OR52E5: variants seen among roughly 807,000 people sequenced by gnomAD.
The protein encoded by OR52E5 is olfactory receptor 52E5.
chr11:5,894,751 T>G (rs910000925), intron 1 of OR52E5, among the ~76,000 whole-genome samples: 8 of 152,200 alleles, frequency 5.3e-5, no homozygotes, highest in African/African-American at 1.4e-4. Context: ...TTCTTATGGC[T>G]CAGGGGTCGG....
intron 2 of OR52E5, among the ~76,000 whole-genome samples, chr11:5,896,495 C>G (rs1300069460): frequency 1.3e-5 from 2 of 150,512 alleles, no homozygotes; most frequent in Non-Finnish European, 3.0e-5. Context: ...ATCTTTGTAA[C>G]TGTAAGGATG....
chr11:5,899,623 T>A (rs981845802), intron 2 of OR52E5, among the ~76,000 whole-genome samples: 15 of 152,164 alleles, frequency 9.9e-5, no homozygotes, highest in African/African-American at 3.6e-4. Context: ...ACTGCCCGAA[T>A]CTGACTAACC....
chr11:5,896,337 C>T (rs1272537122), intron 2 of OR52E5, among the ~76,000 whole-genome samples: 2 of 142,490 alleles, frequency 1.4e-5, no homozygotes, highest in African/African-American at 2.6e-5. Context: ...AGGAGAATGG[C>T]GTGAACCCGA....
In OR52E5 at chr11:5,901,648, A is replaced by G. The variant is rs994896441; in HGVS notation, c.872A>G (p.Tyr291Cys). The change falls in exon 3 of 3, where the codon TAT becomes TGT. Residue 291 changes from tyrosine to cysteine, a missense_variant. Transcript: ENST00000610445. ...VFPPALNSVI[Y>C]GVKTKQIREQ... ...CCCCCTGCTCTTAACTCTGTTATCT[A>G]TGGGGTCAAAACAAAACAGATACGA... is the stretch of plus-strand genomic sequence containing the variant. 18 of 401,258 alleles carry G rather than the reference A, an allele frequency of 4.5e-5. No homozygotes were observed. The East Asian group carries it at 6.1e-4, about 13-fold the overall frequency. 24.9% of individuals were successfully genotyped at this position (401,258 alleles called of 1,614,324 possible).
chr11:5,901,147 G>A lies in OR52E5; in HGVS notation c.371G>A (p.Arg124His), dbSNP rs550260945. 109 of 401,348 alleles carry A rather than the reference G, an allele frequency of 2.7e-4. 1 individual carries two copies. In the South Asian group the frequency reaches 0.012, roughly 45 times the overall value. The allele number at this position is 401,348 out of a possible 1,614,324, so 24.9% of individuals were successfully genotyped here. Reference protein sequence around the residue: ...SVVLTVTGIDRYIAICNPLRY... With the variant: ...SVVLTVTGIDHYIAICNPLRY... ...GTACTGACAGTCACGGGCATAGATC[G>A]CTATATTGCCATCTGCAACCCCCTG... The change falls in exon 3 of 3, where the codon CGC (arginine) becomes CAC (histidine). Residue 124 changes from arginine (R) to histidine (H), a missense_variant. By Grantham distance (29) the Arg-to-His change is conservative. Coordinates refer to ENST00000610445, the MANE Select transcript of OR52E5 (RefSeq NM_001005166.5).
intron 1 of OR52E5, among the ~76,000 whole-genome samples, chr11:5,895,275 A>C (rs1260190352): frequency 6.6e-6 from 1 of 152,230 alleles, no homozygotes; most frequent in Non-Finnish European, 1.5e-5. Context: ...CACTGTCTTA[A>C]GGTGAAAAAT....
chr11:5,896,601 A>T (rs1564996432), intron 2 of OR52E5, among the ~76,000 whole-genome samples: 1 of 152,120 alleles, frequency 6.6e-6, no homozygotes, highest in Non-Finnish European at 1.5e-5. Context: ...GTCTGGAGAA[A>T]TATTTCTCCT....
chr11:5,898,429 C>A (rs1847204892), intron 2 of OR52E5, among the ~76,000 whole-genome samples: 1 of 152,100 alleles, frequency 6.6e-6, no homozygotes, highest in Non-Finnish European at 1.5e-5. Flanking sequence ...TGCACAGAAT[C>A]TTTTTAGTGT....
chr11:5,897,799 A>G (rs1444123356), intron 2 of OR52E5, among the ~76,000 whole-genome samples: 3 of 152,024 alleles, frequency 2.0e-5, no homozygotes, highest in Admixed American at 2.0e-4. Context: ...TTCACTTTTT[A>G]ATAATAACCA....
Position 5,902,577 on chromosome 11 carries a change from C to CTTAA in OR52E5, c.*818_*821dup, listed in dbSNP as rs1847270898. 6.6e-6 allele frequency: 1 copy of CTTAA among 152,206 alleles called. No homozygotes were observed. The highest frequency in any genetic ancestry group is 1.5e-5 in the Non-Finnish European group (1 of 68,052). The allele number at this position is 152,206 out of a possible 1,614,324, so 9.4% of individuals were successfully genotyped here. ...AGAGTTAACAGGTTTCTGTCTTGGGCTTAAGGACTCAGGGAAATCCCATCC... is the reference window on the plus strand; with the variant it reads ...AGAGTTAACAGGTTTCTGTCTTGGGCTTAATTAAGGACTCAGGGAAATCCCATCC... On this transcript the variant is annotated 3_prime_UTR_variant, in exon 3 of 3. Coordinates refer to ENST00000610445, the MANE Select transcript of OR52E5 (RefSeq NM_001005166.5).
intron 1 of OR52E5, among the ~76,000 whole-genome samples, chr11:5,894,730 C>T (rs1383210179): frequency 6.6e-6 from 1 of 152,138 alleles, no homozygotes; most frequent in Non-Finnish European, 1.5e-5. Flanking sequence ...TGGAGCACTA[C>T]TGAAATTTTA....
At chr11:5,896,685 C>A (rs530113390) in intron 2 of OR52E5, among the ~76,000 whole-genome samples, 1 of 152,130 alleles carries the variant, frequency 6.6e-6, no homozygotes, top group East Asian at 1.9e-4. Context: ...AATCACACCA[C>A]ATGTCTATAA....
intron 1 of OR52E5, 69 bp downstream of exon 1, chr11:5,893,339 G>C (rs950256600): frequency 2.0e-5 from 3 of 152,174 alleles, no homozygotes; most frequent in Non-Finnish European, 4.4e-5. Context: ...TGATTTGTGG[G>C]ATGATGGAGC....
intron 2 of OR52E5, among the ~76,000 whole-genome samples, chr11:5,900,122 A>AAACATAAT (rs1312273397): frequency 3.4e-4 from 52 of 152,230 alleles, no homozygotes; most frequent in African/African-American, 1.3e-3. Flanking sequence ...TCAGGAAAGA[A>AAACATAAT]AACATAATAT....
At position 5,902,683 on chromosome 11, in the gene OR52E5, A is replaced by C. The variant is rs1847272587; in HGVS notation, c.*923A>C. ...AAATAATATAAAGTCATTCTTAATAAGGTATAGAAGATAAATAGGACAATT... is the reference window on the plus strand; with the variant it reads ...AAATAATATAAAGTCATTCTTAATACGGTATAGAAGATAAATAGGACAATT... On this transcript the variant is annotated 3_prime_UTR_variant, in exon 3 of 3. Coordinates refer to ENST00000610445, the MANE Select transcript of OR52E5 (RefSeq NM_001005166.5). 1 of 152,206 alleles carries C rather than the reference A, an allele frequency of 6.6e-6. No individual in the cohort carries two copies. The highest frequency in any genetic ancestry group is 1.5e-5 in the Non-Finnish European group (1 of 68,046). The allele number at this position is 152,206 out of a possible 1,614,324, so 9.4% of individuals were successfully genotyped here.
rs942271076 is a variant in OR52E5, at chr11:5,900,917, C to T, written c.141C>T (p.Ile47=). Residue 47 remains isoleucine (I), a synonymous_variant, in exon 3 of 3, where the codon ATC becomes ATT. Transcript: ENST00000610445. ...CAGCCCTTCTAGGGAACATCATTAT[C>T]CTGTTTGTGATACAGACTGAACAGA... The part of the protein sequence containing the change: ...YLTALLGNII[I]LFVIQTEQSL... The T allele has an allele frequency of 4.7e-5, 19 of 401,356 alleles. No homozygotes were observed. In the South Asian group the frequency reaches 7.6e-4, roughly 16 times the overall value. 24.9% of individuals were successfully genotyped at this position (401,356 alleles called of 1,614,324 possible). A position where few individuals can be genotyped will look rare whatever the true frequency, so the allele number is the denominator to read the frequency against.
intron 1 of OR52E5, among the ~76,000 whole-genome samples, chr11:5,894,436 G>A (rs1453437): frequency 1 from 151,584 of 152,250 alleles, 75,465 homozygotes; most frequent in Middle Eastern, 1. Context: ...GGAAAAATAG[G>A]AAAAAAAAGA....
chr11:5,898,993 T>C (rs906407038), intron 2 of OR52E5, among the ~76,000 whole-genome samples: 2 of 152,194 alleles, frequency 1.3e-5, no homozygotes, highest in Non-Finnish European at 2.9e-5. Context: ...GGGAATTTCA[T>C]AGGAATTTCA....
intron 2 of OR52E5, among the ~76,000 whole-genome samples, chr11:5,899,922 A>T (rs1847225644): frequency 6.6e-6 from 1 of 152,134 alleles, no homozygotes; most frequent in South Asian, 2.1e-4. Flanking sequence ...TACAAACTAG[A>T]CTGTCCCCAA....
Sources: gnomAD v4.1 joint callset for allele counts (sites outside exome capture counted in the v4.1 genomes callset) on GRCh38, gnomAD v4.1.1 for gene constraint, MANE v1.5 for transcripts, NCBI Gene and HGNC (gene_info 2026-07-23, HGNC 2026-07-21) for gene names.